Variants in GUCY1A1 observed in about 807,000 individuals in gnomAD.
GUCY1A1 encodes guanylate cyclase soluble subunit alpha-1.
Under a neutral mutation model 64.5 loss-of-function variants are expected in GUCY1A1, and 48 were observed. That is an observed-to-expected ratio of 0.74 (90% CI 0.59 to 0.95). GUCY1A1 has a LOEUF of 0.95. GUCY1A1 is among the 40% of genes least tolerant of loss of function. GUCY1A1 has a pLI of 0.00. For synonymous variants in GUCY1A1, 308 were observed against 303.4 expected (o/e 1.02, Z -0.16); for missense variants, 804 against 825.3 (o/e 0.97, Z 0.32).
In GUCY1A1 at chr4:155,694,894, T is replaced by A. The variant is rs555101047; in HGVS notation, c.-112-1862T>A. ...TTATTACATTAAGTCCCAAAACAAA[T>A]GTGGGTAAAATTATTAGATATTTAG... On this transcript the variant is annotated intron_variant, in intron 2 of 9. Coordinates refer to ENST00000506455, the MANE Select transcript of GUCY1A1 (RefSeq NM_001130682.3). Among the ~76,000 whole-genome samples, 14 of 152,320 alleles carry A rather than the reference T, an allele frequency of 9.2e-5. No homozygotes were observed. In the East Asian group the frequency reaches 2.5e-3, roughly 27 times the overall value.
chr4:155,717,095 T>C (rs1733340656), intron 7 of GUCY1A1, 64 bp from the exon 8 acceptor site: 1 of 1,143,704 alleles, frequency 8.7e-7, no homozygotes, highest in Admixed American at 2.7e-5. Context: ...ATTTCTTCTA[T>C]CCGATGTAGG....
In GUCY1A1 at chr4:155,696,988, A is replaced by G. The variant is rs1057148493; in HGVS notation, c.121A>G (p.Lys41Glu). 1.2e-6 allele frequency: 2 copies of G among 1,613,764 alleles called. No homozygotes were observed. The highest frequency in any genetic ancestry group is 1.3e-5 in the African/African-American group (1 of 74,912). The change falls in exon 3 of 10, where the codon AAA becomes GAA. Residue 41 changes from lysine (K) to glutamate (E), a missense_variant. Coordinates refer to ENST00000506455, the MANE Select transcript of GUCY1A1 (RefSeq NM_001130682.3). ...EEAAGSSESCKATVPICQDIP... is the reference protein window; with the variant it reads ...EEAAGSSESCEATVPICQDIP... ...GGCAGCAGGAAGCTCAGAGAGCTGC[A>G]AAGCAACCGTGCCCATCTGTCAAGA...
chr4:155,678,745 A>T (rs1024322944), intron 2 of GUCY1A1, among the ~76,000 whole-genome samples: 1 of 152,208 alleles, frequency 6.6e-6, no homozygotes, highest in Admixed American at 6.5e-5. Flanking sequence ...AAACAATAGC[A>T]TTTGTTGAAT....
chr4:155,702,401 G>A (rs532428507), intron 3 of GUCY1A1, among the ~76,000 whole-genome samples: 1 of 152,234 alleles, frequency 6.6e-6, no homozygotes, highest in South Asian at 2.1e-4. Context: ...AACATTTCAA[G>A]CACCCTGGCT....
Position 155,730,481 on chromosome 4 carries a change from C to T in GUCY1A1, c.*250C>T, listed in dbSNP as rs139788853. The T allele has an allele frequency of 2.1e-5, 7 of 337,142 alleles. No homozygotes were observed. The highest frequency in any genetic ancestry group is 1.5e-4 in the African/African-American group (7 of 48,196). The allele number at this position is 337,142 out of a possible 1,614,324, so 20.9% of individuals were successfully genotyped here. ...GAGTATTTCTATTATATAACCAGCA[C>T]TTACTACCTGTACTCAAAATTCAGC... On this transcript the variant is annotated 3_prime_UTR_variant, in exon 10 of 10. Coordinates refer to ENST00000506455, the MANE Select transcript of GUCY1A1 (RefSeq NM_001130682.3).
intron 2 of GUCY1A1, among the ~76,000 whole-genome samples, chr4:155,688,201 C>G (rs1487875087): frequency 6.6e-6 from 1 of 151,532 alleles, no homozygotes; most frequent in Non-Finnish European, 1.5e-5. Flanking sequence ...GCACTCCAGC[C>G]TGGGCGACAG....
At chr4:155,670,080 C>G (rs1415049466) in intron 2 of GUCY1A1, among the ~76,000 whole-genome samples, 1 of 152,136 alleles carries the variant, frequency 6.6e-6, no homozygotes, top group Non-Finnish European at 1.5e-5. Flanking sequence ...TTGGAGGAAG[C>G]TGTTACTGAG....
At position 155,722,151 on chromosome 4, in the gene GUCY1A1, C is replaced by T. The variant is rs1734045483; in HGVS notation, c.1830C>T (p.Cys610=). ...CTCTGGCTAACAAATTTGAGTCCTG[C>T]AGTGTACCACGAAAAATCAATGTCA... The part of the protein sequence containing the change: ...NVTLANKFES[C]SVPRKINVSP... The change falls in exon 9 of 10, where the codon TGC becomes TGT. Residue 610 remains cysteine (C), a synonymous_variant. Transcript: ENST00000506455. The T allele has an allele frequency of 1.2e-6, 2 of 1,612,678 alleles. No individual in the cohort carries two copies. The highest frequency in any genetic ancestry group is 8.5e-7 in the Non-Finnish European group (1 of 1,179,010).
chr4:155,682,699 AGT>A (rs60103633), intron 2 of GUCY1A1, among the ~76,000 whole-genome samples: 18,842 of 146,736 alleles, frequency 0.13, 1,595 homozygotes, highest in African/African-American at 0.22. Flanking sequence ...AAGAAAATTC[AGT>A]GTGTGTGTGT....
chr4:155,689,507 C>T (rs1729457836), intron 2 of GUCY1A1, among the ~76,000 whole-genome samples: 1 of 151,936 alleles, frequency 6.6e-6, no homozygotes, highest in Non-Finnish European at 1.5e-5. Context: ...TTTATAATCC[C>T]AAAGGTTTTT....
chr4:155,702,617 G>C (rs908497617), intron 3 of GUCY1A1, among the ~76,000 whole-genome samples: 3 of 152,110 alleles, frequency 2.0e-5, no homozygotes, highest in African/African-American at 2.4e-5. Context: ...GTGGCAGATA[G>C]TATCCTTTCT....
intron 3 of GUCY1A1, among the ~76,000 whole-genome samples, chr4:155,701,174 G>A (rs1183341273): frequency 2.6e-5 from 4 of 152,162 alleles, no homozygotes; most frequent in Non-Finnish European, 4.4e-5. Context: ...GTCTCTTATG[G>A]GTTTTGTTTT....
chr4:155,690,519 C>T (rs550334301), intron 2 of GUCY1A1, among the ~76,000 whole-genome samples: 1 of 152,116 alleles, frequency 6.6e-6, no homozygotes, highest in Non-Finnish European at 1.5e-5. Context: ...TTGTTTAATG[C>T]GGTTTGTAGA....
At chr4:155,729,912 C>T in intron 9 of GUCY1A1, 118 bp from the exon 10 acceptor site, 2 of 627,854 alleles carry the variant, frequency 3.2e-6, no homozygotes, top group Admixed American at 5.7e-5. Flanking sequence ...CTTTTTCTGT[C>T]ACTCACACCT....
At chr4:155,678,778 C>T (rs548630645) in intron 2 of GUCY1A1, among the ~76,000 whole-genome samples, 2 of 152,260 alleles carry the variant, frequency 1.3e-5, no homozygotes, top group Non-Finnish European at 2.9e-5. Flanking sequence ...AAGAAACTGC[C>T]AAACTGTTTT....
Position 155,731,875 on chromosome 4 carries a change from A to G in GUCY1A1, c.*1644A>G, listed in dbSNP as rs969263255. 4.0e-5 allele frequency: 6 copies of G among 151,720 alleles called. No individual in the cohort carries two copies. The highest frequency in any genetic ancestry group is 1.5e-4 in the African/African-American group (6 of 41,364). The allele number at this position is 151,720 out of a possible 1,614,324, so 9.4% of individuals were successfully genotyped here. A position where few individuals can be genotyped will look rare whatever the true frequency, so the allele number is the denominator to read the frequency against. ...AGATATTACAATGATGCTGTTTACTAAGTGATAACCCCGTATCTTACAGGA... is the reference window on the plus strand; with the variant it reads ...AGATATTACAATGATGCTGTTTACTGAGTGATAACCCCGTATCTTACAGGA... On this transcript the variant is annotated 3_prime_UTR_variant, in exon 10 of 10. Transcript: ENST00000506455.
intron 5 of GUCY1A1, among the ~76,000 whole-genome samples, chr4:155,708,535 A>T (rs10034602): frequency 0.016 from 2,406 of 152,252 alleles, 67 homozygotes; most frequent in African/African-American, 0.055. Context: ...AAGCTGTCTC[A>T]CAGATATTCA....
intron 4 of GUCY1A1, among the ~76,000 whole-genome samples, chr4:155,707,129 A>G (rs1366145089): frequency 1.3e-5 from 2 of 152,324 alleles, no homozygotes; most frequent in East Asian, 3.9e-4. Context: ...ATTACTTAAA[A>G]GTGAATTCTA....
At chr4:155,683,566 A>G (rs947972177) in intron 2 of GUCY1A1, among the ~76,000 whole-genome samples, 16 of 152,342 alleles carry the variant, frequency 1.1e-4, no homozygotes, top group Middle Eastern at 3.4e-3. Context: ...CAAAGACAAG[A>G]TAATGAGGAA....
Sources: allele counts gnomAD v4.1 joint callset (sites outside exome capture counted in the v4.1 genomes callset), GRCh38; gene constraint gnomAD v4.1.1; transcripts MANE v1.5; gene names NCBI Gene and HGNC (gene_info 2026-07-23, HGNC 2026-07-21).